NUDCD3: variants seen among roughly 807,000 people sequenced by gnomAD.
NUDCD3 encodes NudC domain containing 3.
Under a neutral mutation model 39.7 loss-of-function variants are expected in NUDCD3, and 13 were observed. That is an observed-to-expected ratio of 0.33 (90% CI 0.21 to 0.52). The LOEUF (loss-of-function observed/expected upper bound fraction) is 0.52. Among genes scored for constraint, NUDCD3 ranks in the 20% least tolerant of loss-of-function variants. The pLI, the probability that NUDCD3 is intolerant of heterozygous loss-of-function variation, is 0.96. For missense variants in NUDCD3, 453 were observed against 458.1 expected (o/e 0.99, Z 0.10); for synonymous variants, 175 against 172.4 (o/e 1.02, Z -0.12).
At chr7:44,455,654 G>A (rs1799877587) in intron 2 of NUDCD3, among the ~76,000 whole-genome samples, 1 of 152,220 alleles carries the variant, frequency 6.6e-6, no homozygotes, top group African/African-American at 2.4e-5. Flanking sequence ...ATTAGTGCAG[G>A]TAAATGTGAG....
In NUDCD3 at chr7:44,490,618, G is replaced by C. The variant is rs1800722472; in HGVS notation, c.-18C>G. The C allele has an allele frequency of 6.3e-7, 1 of 1,590,398 alleles. No individual in the cohort carries two copies. Among genetic ancestry groups the C allele is most frequent in the Non-Finnish European group, 8.6e-7 (1 of 1,168,940 alleles). Reference sequence around the variant, plus strand: ...GTCTCCATGTCGCCTCCCGCCCTAGGTACGCTTCACACACACAGCGCCGCC... The same window carrying C: ...GTCTCCATGTCGCCTCCCGCCCTAGCTACGCTTCACACACACAGCGCCGCC... On this transcript the variant is annotated 5_prime_UTR_variant, in exon 1 of 6. Coordinates refer to ENST00000355451, the MANE Select transcript of NUDCD3 (RefSeq NM_015332.4).
At chr7:44,446,817 C>G (rs531914223) in intron 2 of NUDCD3, among the ~76,000 whole-genome samples, 3 of 152,260 alleles carry the variant, frequency 2.0e-5, no homozygotes, top group African/African-American at 7.2e-5. Flanking sequence ...ACTGGCAGAA[C>G]TAGATACTCC....
intron 2 of NUDCD3, among the ~76,000 whole-genome samples, chr7:44,479,085 C>T (rs759298441): frequency 1.3e-5 from 2 of 152,134 alleles, no homozygotes; most frequent in South Asian, 4.1e-4. Context: ...CTTATAAAAC[C>T]GTCTATGAGA....
At chr7:44,394,084 G>A (rs1015129508) in intron 4 of NUDCD3, among the ~76,000 whole-genome samples, 4 of 152,210 alleles carry the variant, frequency 2.6e-5, no homozygotes, top group African/African-American at 9.7e-5. Context: ...TAATGAAGAG[G>A]GTGGGCACCG....
chr7:44,389,008 T>A (rs984353806), intron 5 of NUDCD3, among the ~76,000 whole-genome samples: 3 of 152,220 alleles, frequency 2.0e-5, no homozygotes, highest in Non-Finnish European at 1.5e-5. Flanking sequence ...AAGAAGCTGT[T>A]TGCAGGCACA....
chr7:44,480,710 G>T (rs1342270330), intron 2 of NUDCD3, among the ~76,000 whole-genome samples: 2 of 152,072 alleles, frequency 1.3e-5, no homozygotes, highest in African/African-American at 4.8e-5. Flanking sequence ...ACGAGGCTGA[G>T]GCGAGTGGAT....
intron 2 of NUDCD3, among the ~76,000 whole-genome samples, chr7:44,478,872 G>A (rs1316217472): frequency 1.3e-5 from 2 of 152,212 alleles, no homozygotes; most frequent in African/African-American, 2.4e-5. Context: ...CAATGGAAAT[G>A]TCATTGTATT....
chr7:44,426,073 C>T (rs1339993674), intron 3 of NUDCD3: 23 of 954,272 alleles, frequency 2.4e-5, no homozygotes, highest in Admixed American at 6.2e-5. Flanking sequence ...CAGGCCTGGC[C>T]GTCCACTTCA....
At chr7:44,478,876 T>C (rs1800434149) in intron 2 of NUDCD3, among the ~76,000 whole-genome samples, 2 of 152,212 alleles carry the variant, frequency 1.3e-5, no homozygotes, top group Non-Finnish European at 2.9e-5. Context: ...GGAAATGTCA[T>C]TGTATTAGTC....
chr7:44,432,190 G>A (rs1172548190), intron 2 of NUDCD3, among the ~76,000 whole-genome samples: 1 of 152,176 alleles, frequency 6.6e-6, no homozygotes, highest in African/African-American at 2.4e-5. Flanking sequence ...GTTGAGGTGG[G>A]AGAATAGCTT....
chr7:44,442,112 G>A (rs1462362208), intron 2 of NUDCD3, among the ~76,000 whole-genome samples: 1 of 152,152 alleles, frequency 6.6e-6, no homozygotes, highest in Non-Finnish European at 1.5e-5. Context: ...AACAGTGTAC[G>A]ACTCAGAGTA....
At chr7:44,428,071 T>G (rs1159857979) in intron 2 of NUDCD3, among the ~76,000 whole-genome samples, 2 of 149,084 alleles carry the variant, frequency 1.3e-5, no homozygotes, top group African/African-American at 5.0e-5. Context: ...AATAAAATCC[T>G]TAGGCTCATG....
chr7:44,467,163 A>G (rs1408401072), intron 2 of NUDCD3, among the ~76,000 whole-genome samples: 2 of 152,206 alleles, frequency 1.3e-5, no homozygotes, highest in African/African-American at 2.4e-5. Flanking sequence ...TCTCACCCCT[A>G]CTGAAGAATG....
intron 2 of NUDCD3, among the ~76,000 whole-genome samples, chr7:44,482,849 T>C (rs573971405): frequency 6.6e-6 from 1 of 152,110 alleles, no homozygotes; most frequent in African/African-American, 2.4e-5. Flanking sequence ...CTATTGTAAG[T>C]ATATTGAAGG....
chr7:44,473,622 A>G (rs1800300804), intron 2 of NUDCD3, among the ~76,000 whole-genome samples: 1 of 152,224 alleles, frequency 6.6e-6, no homozygotes, highest in Non-Finnish European at 1.5e-5. Context: ...ATATACATAC[A>G]TATAAAATAT....
chr7:44,420,229 C>G (rs1475609504), intron 3 of NUDCD3, among the ~76,000 whole-genome samples: 3 of 151,864 alleles, frequency 2.0e-5, no homozygotes, highest in African/African-American at 7.3e-5. Flanking sequence ...CCAAATCAAT[C>G]AAGCAGAAGA....
At chr7:44,463,783 T>A (rs1180057897) in intron 2 of NUDCD3, among the ~76,000 whole-genome samples, 2 of 151,868 alleles carry the variant, frequency 1.3e-5, no homozygotes, top group Non-Finnish European at 2.9e-5. Context: ...GGGTCTTGAG[T>A]TTTATCTATT....
chr7:44,443,788 C>A (rs1360008403), intron 2 of NUDCD3, among the ~76,000 whole-genome samples: 4 of 152,116 alleles, frequency 2.6e-5, no homozygotes, highest in African/African-American at 9.7e-5. Flanking sequence ...GACCTGGGGC[C>A]CAGGTGCTGC....
chr7:44,442,015 A>G (rs953823696), intron 2 of NUDCD3, among the ~76,000 whole-genome samples: 1 of 152,152 alleles, frequency 6.6e-6, no homozygotes, highest in African/African-American at 2.4e-5. Context: ...CCATTTTCAC[A>G]TTTATAAAAC....
Sources: gnomAD v4.1 joint callset for allele counts (sites outside exome capture counted in the v4.1 genomes callset) on GRCh38, gnomAD v4.1.1 for gene constraint, MANE v1.5 for transcripts, NCBI Gene and HGNC (gene_info 2026-07-23, HGNC 2026-07-21) for gene names.